NECTIN1: variants seen among roughly 807,000 people sequenced by gnomAD.
The protein encoded by NECTIN1 is nectin cell adhesion molecule 1.
A neutral mutation model predicts 48.0 loss-of-function variants in NECTIN1; 23 were observed. The ratio of observed to expected loss-of-function variants is 0.48; its 90% CI spans 0.34 to 0.68. The LOEUF is 0.68. NECTIN1 is among the 30% of genes least tolerant of loss of function. NECTIN1 has a pLI of 0.01. For synonymous variants in NECTIN1, 270 were observed against 288.9 expected, an observed-to-expected ratio of 0.93 and a Z score of 0.66; for missense variants, 591 against 709.9, an observed-to-expected ratio of 0.83 and a Z score of 1.90.
At chr11:119,720,569 C>T (rs1477685508) in intron 1 of NECTIN1, among the ~76,000 whole-genome samples, 1 of 152,262 alleles carries the variant, frequency 6.6e-6, no homozygotes, top group Non-Finnish European at 1.5e-5. Context: ...GTTATTTGGG[C>T]GTGGTGCTCA....
At chr11:119,667,209 T>C (rs1420771865) in intron 5 of NECTIN1, among the ~76,000 whole-genome samples, 1 of 152,132 alleles carries the variant, frequency 6.6e-6, no homozygotes, top group Non-Finnish European at 1.5e-5. Flanking sequence ...CCCCACGAGA[T>C]GGGAGCAGCC....
At chr11:119,653,183 C>G (rs969046474) in intron 5 of NECTIN1, among the ~76,000 whole-genome samples, 1 of 152,122 alleles carries the variant, frequency 6.6e-6, no homozygotes, top group Non-Finnish European at 1.5e-5. Context: ...CTAAGATCTA[C>G]GCACTTCACA....
intron 1 of NECTIN1, among the ~76,000 whole-genome samples, chr11:119,686,791 C>T (rs542239702): frequency 1.1e-3 from 170 of 152,304 alleles, no homozygotes; most frequent in African/African-American, 3.9e-3. Flanking sequence ...CCTCTTCCCA[C>T]CTTCATGGAT....
intron 5 of NECTIN1, among the ~76,000 whole-genome samples, chr11:119,644,401 AC>A (rs571751156): frequency 1.1e-3 from 168 of 151,242 alleles, no homozygotes; most frequent in African/African-American, 3.9e-3. Flanking sequence ...TCTCCCGACC[AC>A]CCCCCTCTCA....
chr11:119,640,057 G>A, intron 5 of NECTIN1: 1 of 1,547,958 alleles, frequency 6.5e-7, no homozygotes. Flanking sequence ...AGAAACTCAA[G>A]TGACCCAAAG....
At chr11:119,716,850 A>G (rs528021199) in intron 1 of NECTIN1, among the ~76,000 whole-genome samples, 1 of 152,308 alleles carries the variant, frequency 6.6e-6, no homozygotes, top group Admixed American at 6.5e-5. Context: ...GCGCGTGCAC[A>G]CGCGCGCGCA....
At chr11:119,643,245 TGG>T (rs908697343) in intron 5 of NECTIN1, among the ~76,000 whole-genome samples, 1 of 152,124 alleles carries the variant, frequency 6.6e-6, no homozygotes, top group Non-Finnish European at 1.5e-5. Context: ...AAATGAGATG[TGG>T]GGACAAGAAA....
At chr11:119,649,263 C>T (rs1204995326) in intron 5 of NECTIN1, among the ~76,000 whole-genome samples, 2 of 152,150 alleles carry the variant, frequency 1.3e-5, no homozygotes, top group East Asian at 1.9e-4. Context: ...CGCCTGTCGT[C>T]CCAGCTACTT....
At chr11:119,707,522 CCTCCCCACCGT>C (rs1865570123) in intron 1 of NECTIN1, among the ~76,000 whole-genome samples, 1 of 152,050 alleles carries the variant, frequency 6.6e-6, no homozygotes. Context: ...GTGAACAACA[CCTCCCCACCGT>C]CTCCCCACTC....
At chr11:119,651,508 G>A (rs1450445321) in intron 5 of NECTIN1, among the ~76,000 whole-genome samples, 3 of 152,100 alleles carry the variant, frequency 2.0e-5, no homozygotes. Context: ...CTCCTACCGT[G>A]GTTTTCCCTG....
intron 1 of NECTIN1, among the ~76,000 whole-genome samples, chr11:119,688,270 C>A (rs1212806185): frequency 6.6e-6 from 1 of 152,168 alleles, no homozygotes; most frequent in Non-Finnish European, 1.5e-5. Context: ...CTATGCTATA[C>A]AAGCAGTTGT....
intron 1 of NECTIN1, among the ~76,000 whole-genome samples, chr11:119,698,619 T>G (rs1432247552): frequency 6.6e-6 from 1 of 152,220 alleles, no homozygotes; most frequent in Non-Finnish European, 1.5e-5. Context: ...GACCTGGGGC[T>G]GGGCTCTTCC....
In NECTIN1 at chr11:119,662,349, C is replaced by A. The variant is rs1018126118; in HGVS notation, c.*2398G>T. 1.2e-5 allele frequency: 12 copies of A among 985,734 alleles called. No individual in the cohort carries two copies. The highest frequency in any genetic ancestry group is 1.7e-5 in the African/African-American group (1 of 57,226). 61.1% of individuals were successfully genotyped at this position (985,734 alleles called of 1,614,324 possible). A position where few individuals can be genotyped will look rare whatever the true frequency, so the allele number is the denominator to read the frequency against. ...TGCTGACTCCTGCCTCATGCCCACCCTCAGCCCAGGCTGGCAGCTGCTCGG... is the reference window on the plus strand; with the variant it reads ...TGCTGACTCCTGCCTCATGCCCACCATCAGCCCAGGCTGGCAGCTGCTCGG... On this transcript the variant is annotated 3_prime_UTR_variant, in exon 6 of 6. Transcript: ENST00000264025. This position sits in a 1 kb window ranked among gnomAD's most constrained non-coding sequence, Gnocchi z 5.3.
chr11:119,639,083 G>A (rs1197893915), intron 6 of NECTIN1, among the ~76,000 whole-genome samples: 1 of 152,182 alleles, frequency 6.6e-6, no homozygotes, highest in Non-Finnish European at 1.5e-5. Flanking sequence ...AGGTTTCCTA[G>A]CTCAAAGGAC....
Position 119,662,568 on chromosome 11 carries a change from A to G in NECTIN1, c.*2179T>C. On this transcript the variant is annotated 3_prime_UTR_variant, in exon 6 of 6. Coordinates refer to ENST00000264025, the MANE Select transcript of NECTIN1 (RefSeq NM_002855.5). This position sits in a 1 kb window ranked among gnomAD's most constrained non-coding sequence, Gnocchi z 5.3. Reference sequence around the variant, plus strand: ...GGAATAGAGGGTGGCAGTGCAGGATAAAGGAGATGCAGGAGGAGACAGGGA... The same window carrying G: ...GGAATAGAGGGTGGCAGTGCAGGATGAAGGAGATGCAGGAGGAGACAGGGA... The G allele has an allele frequency of 1.0e-6, 1 of 985,756 alleles. No homozygotes were observed. The highest frequency in any genetic ancestry group is 4.7e-5 in the South Asian group (1 of 21,280). 61.1% of individuals were successfully genotyped at this position (985,756 alleles called of 1,614,324 possible).
At position 119,675,255 on chromosome 11, in the gene NECTIN1, TGAA is replaced by T. The variant is rs1490899471; in HGVS notation, c.904_906del (p.Phe302del). 6.2e-7 allele frequency: 1 copy of T among 1,613,922 alleles called. No homozygotes were observed. Among genetic ancestry groups the T allele is most frequent in the Non-Finnish European group, 8.5e-7 (1 of 1,180,020 alleles). ...GCCAGGCTGTAGTTGATGGGTCCCT[TGAA>T]GAAGAGGGTTCTGTTCTGGGCCTCC... On this transcript the variant is annotated inframe_deletion, in exon 5 of 6. Transcript: ENST00000264025.
At chr11:119,687,573 G>A (rs1865180420) in intron 1 of NECTIN1, among the ~76,000 whole-genome samples, 1 of 152,210 alleles carries the variant, frequency 6.6e-6, no homozygotes, top group Non-Finnish European at 1.5e-5. Context: ...CTCGGCAAGT[G>A]TGCATTTTTA....
chr11:119,728,414 G>A, intron 1 of NECTIN1, 61 bp downstream of exon 1: 7 of 1,480,724 alleles, frequency 4.7e-6, no homozygotes, highest in Non-Finnish European at 5.5e-6. Flanking sequence ...CCCGCCATCC[G>A]GCTCCCAGCC....
At position 119,665,402 on chromosome 11, in the gene NECTIN1, G is replaced by C. The variant is rs1251699830; in HGVS notation, c.1004-105C>G. 19 of 1,462,574 alleles carry C rather than the reference G, an allele frequency of 1.3e-5. No homozygotes were observed. The highest frequency in any genetic ancestry group is 1.7e-5 in the Non-Finnish European group (19 of 1,111,076). 90.6% of individuals were successfully genotyped at this position (1,462,574 alleles called of 1,614,324 possible). On this transcript the variant is annotated intron_variant, in intron 5 of 5. Coordinates refer to ENST00000264025, the MANE Select transcript of NECTIN1 (RefSeq NM_002855.5). The surrounding 1 kb of genome is among the most constrained non-coding windows in gnomAD (Gnocchi z 5.1). ...AAGGAGAGGCCAGGAAGGACAGGCT[G>C]TCTGCACCCCAGGTTTGAGCAGCTC...
Sources: gnomAD v4.1 joint callset for allele counts (sites outside exome capture counted in the v4.1 genomes callset) on GRCh38, gnomAD v4.1.1 for gene constraint, Gnocchi (gnomAD v3.1) non-coding constraint, MANE v1.5 for transcripts, NCBI Gene and HGNC (gene_info 2026-07-23, HGNC 2026-07-21) for gene names.